Variants in FBXL2 observed in about 807,000 individuals in gnomAD.
FBXL2 encodes the protein F-box and leucine rich repeat protein 2, also known as F-box/LRR-repeat protein 2.
A neutral mutation model predicts 69.2 loss-of-function variants in FBXL2; 38 were observed. The observed-to-expected ratio is 0.55, with a 90% CI of 0.42 to 0.72. FBXL2 has a LOEUF of 0.72. Among genes scored for constraint, FBXL2 ranks in the 30% least tolerant of loss-of-function variants. The probability of loss-of-function intolerance (pLI) is 0.00; values close to 1 mark genes in which losing one functional copy is unlikely to be tolerated. For synonymous variants in FBXL2, 192 were observed against 201.3 expected, an observed-to-expected ratio of 0.95 and a Z score of 0.39; for missense variants, 354 against 520.3, an observed-to-expected ratio of 0.68 and a Z score of 3.11.
chr3:33,377,753 C>T lies in FBXL2; in HGVS notation c.850-350C>T, dbSNP rs76822331. 4.0e-3 allele frequency among the ~76,000 whole-genome samples: 605 copies of T among 152,310 alleles called. 6 individuals carry two copies. Among genetic ancestry groups the T allele is most frequent in the African/African-American group, 0.013 (548 of 41,566 alleles). On this transcript the variant is annotated intron_variant, in intron 11 of 14. Coordinates refer to ENST00000484457, the MANE Select transcript of FBXL2 (RefSeq NM_012157.5). ...TATACTTGGCTACCTCCACCCAACCCCCACAGTGTGGCTTAGTGCCCCATC... is the reference window on the plus strand; with the variant it reads ...TATACTTGGCTACCTCCACCCAACCTCCACAGTGTGGCTTAGTGCCCCATC...
intron 2 of FBXL2, among the ~76,000 whole-genome samples, chr3:33,328,789 T>C (rs769988346): frequency 3.5e-5 from 5 of 140,950 alleles, no homozygotes; most frequent in East Asian, 2.2e-4. Flanking sequence ...TTGGGCAAAT[T>C]TGTGTGTGTG....
intron 2 of FBXL2, among the ~76,000 whole-genome samples, chr3:33,341,958 A>C (rs1057151630): frequency 6.7e-6 from 1 of 149,602 alleles, no homozygotes; most frequent in East Asian, 1.9e-4. Context: ...TCATTGGTCT[A>C]TACATTTCAT....
intron 13 of FBXL2, among the ~76,000 whole-genome samples, chr3:33,380,296 C>T (rs376518368): frequency 9.2e-5 from 14 of 151,866 alleles, no homozygotes; most frequent in East Asian, 7.8e-4. Context: ...TGGCTCATGC[C>T]TGTAATCCCC....
rs1008497437 is a variant in FBXL2 at position 33,368,732 on chromosome 3, G to A, written c.290+4013G>A. Among the ~76,000 whole-genome samples, 3 of 151,928 alleles carry A rather than the reference G, an allele frequency of 2.0e-5. No individual in the cohort carries two copies. In the South Asian group the frequency reaches 6.2e-4, roughly 32 times the overall value. ...CTTCCGAGTAGCTGGGACCACAGGC[G>A]TGTGCCACCACGCCCAGCTAATTTT... On this transcript the variant is annotated intron_variant, in intron 5 of 14. Coordinates refer to ENST00000484457, the MANE Select transcript of FBXL2 (RefSeq NM_012157.5).
intron 2 of FBXL2, among the ~76,000 whole-genome samples, chr3:33,334,927 C>T (rs956510282): frequency 1.3e-5 from 2 of 151,588 alleles, no homozygotes; most frequent in Admixed American, 1.3e-4. Flanking sequence ...CCAAAAATAC[C>T]CCTCCCCCCA....
chr3:33,282,296 A>G (rs1395819660), intron 1 of FBXL2, among the ~76,000 whole-genome samples: 5 of 152,204 alleles, frequency 3.3e-5, no homozygotes, highest in Non-Finnish European at 1.5e-5. Flanking sequence ...CCATTTATTA[A>G]ATAGGGAATC....
chr3:33,413,217 T>C, the FBXL2 span, among the ~76,000 whole-genome samples: 4 of 152,234 alleles, frequency 2.6e-5, no homozygotes, highest in Middle Eastern at 3.4e-3. Flanking sequence ...CCAGAAACAA[T>C]GGTAAAACTT....
chr3:33,350,254 A>G (rs1273742872), intron 2 of FBXL2, among the ~76,000 whole-genome samples: 1 of 152,186 alleles, frequency 6.6e-6, no homozygotes, highest in African/African-American at 2.4e-5. Flanking sequence ...AAGTCAGTGT[A>G]ATCTATTACA....
At chr3:33,319,036 T>A (rs2037964038) in intron 2 of FBXL2, among the ~76,000 whole-genome samples, 1 of 152,204 alleles carries the variant, frequency 6.6e-6, no homozygotes, top group Non-Finnish European at 1.5e-5. Context: ...AAAGCACGAA[T>A]CCCAGGCAAG....
At chr3:33,389,824 T>G (rs539642807), downstream of FBXL2, 1 of 154,462 alleles carries the variant, frequency 6.5e-6, no homozygotes, top group African/African-American at 2.4e-5. Context: ...GCCTCTTACC[T>G]GACCACCAAC....
At chr3:33,412,934 T>A in the FBXL2 span, 1 of 695,154 alleles carries the variant, frequency 1.4e-6, no homozygotes, top group Non-Finnish European at 2.6e-6. Flanking sequence ...CACATACAAC[T>A]AGATTCTGTT....
downstream of FBXL2, chr3:33,389,987 A>G (rs576310762): frequency 8.3e-6 from 2 of 239,710 alleles, no homozygotes; most frequent in East Asian, 1.6e-4. Flanking sequence ...AAGTTTCTAC[A>G]TTCATTTCCA....
chr3:33,398,899 C>T (rs954367923), intron 12 of FBXL2, among the ~76,000 whole-genome samples: 4 of 152,192 alleles, frequency 2.6e-5, no homozygotes, highest in Admixed American at 6.5e-5. Flanking sequence ...TAGTTTTTCA[C>T]ACATAAAAGG....
intron 2 of FBXL2, among the ~76,000 whole-genome samples, chr3:33,314,285 A>G (rs905171927): frequency 2.0e-5 from 3 of 152,194 alleles, no homozygotes; most frequent in Non-Finnish European, 2.9e-5. Flanking sequence ...CTAATCTTAT[A>G]ACTGAAAGTT....
intron 13 of FBXL2, among the ~76,000 whole-genome samples, chr3:33,382,055 A>G (rs1221904105): frequency 6.6e-6 from 1 of 152,086 alleles, no homozygotes; most frequent in Non-Finnish European, 1.5e-5. Flanking sequence ...GGCTGTTACA[A>G]CCAGTACTGC....
At chr3:33,382,029 G>A (rs989446910) in intron 13 of FBXL2, among the ~76,000 whole-genome samples, 28 of 152,276 alleles carry the variant, frequency 1.8e-4, no homozygotes, top group African/African-American at 6.5e-4. Context: ...GTTTCTAGCA[G>A]TAGTTTCTAG....
At position 33,277,529 on chromosome 3, in the gene FBXL2, C is replaced by T. The variant is rs2125650713; in HGVS notation, c.3+14C>T. 46 of 1,294,746 alleles carry T rather than the reference C, an allele frequency of 3.6e-5. No individual in the cohort carries two copies. Among genetic ancestry groups the T allele is most frequent in the Non-Finnish European group, 4.3e-5 (44 of 1,013,308 alleles). 80.2% of individuals were successfully genotyped at this position (1,294,746 alleles called of 1,614,324 possible). A position where few individuals can be genotyped will look rare whatever the true frequency, so the allele number is the denominator to read the frequency against. On this transcript the variant is annotated intron_variant, in intron 1 of 14. Coordinates refer to ENST00000484457, the MANE Select transcript of FBXL2 (RefSeq NM_012157.5). ...TCTTCGGCCATGGTGAGTCTGGGAC[C>T]CGCGTCTGCCTAGCTGCCCCGCCCT...
At chr3:33,370,657 C>T (rs2042240592) in intron 5 of FBXL2, among the ~76,000 whole-genome samples, 1 of 151,894 alleles carries the variant, frequency 6.6e-6, no homozygotes, top group African/African-American at 2.4e-5. Context: ...ACTCTGTCAC[C>T]CAGGGTGGAG....
chr3:33,402,382 A>G (rs1180122160), intron 12 of FBXL2, among the ~76,000 whole-genome samples: 2 of 152,234 alleles, frequency 1.3e-5, no homozygotes, highest in African/African-American at 2.4e-5. Context: ...AAAAAATAGC[A>G]TATCTATTGG....
Sources: gnomAD v4.1 joint callset for allele counts (sites outside exome capture counted in the v4.1 genomes callset) on GRCh38, gnomAD v4.1.1 for gene constraint, MANE v1.5 for transcripts, NCBI Gene and HGNC (gene_info 2026-07-23, HGNC 2026-07-21) for gene names.